The following FHIT variants were observed in gnomAD, a reference collection of about 807,000 sequenced individuals.
FHIT encodes fragile histidine triad diadenosine triphosphatase.
In FHIT, 19 loss-of-function variants were observed where a neutral mutation model predicts 17.9. The observed-to-expected ratio is 1.06, with a 90% CI of 0.74 to 1.56. The LOEUF is 1.56. Among genes scored for constraint, FHIT ranks in the 40% most tolerant of loss-of-function variants. FHIT has a pLI of 0.00. For missense variants in FHIT, 248 were observed against 189.2 expected, an observed-to-expected ratio of 1.31 and a Z score of -1.82; for synonymous variants, 81 against 69.7, an observed-to-expected ratio of 1.16 and a Z score of -0.81.
chr3:60,285,426 G>C (rs1027499423), intron 5 of FHIT, among the ~76,000 whole-genome samples: 4 of 152,168 alleles, frequency 2.6e-5, no homozygotes, highest in African/African-American at 9.6e-5. Context: ...GAATGAGTGA[G>C]ATAAATAAAA....
At chr3:61,244,360 C>T (rs2040438521) in intron 1 of FHIT, among the ~76,000 whole-genome samples, 1 of 152,112 alleles carries the variant, frequency 6.6e-6, no homozygotes, top group Admixed American at 6.5e-5. Flanking sequence ...GGCCAGGTAC[C>T]TCGAATTCCC....
intron 1 of FHIT, among the ~76,000 whole-genome samples, chr3:61,214,406 G>A (rs985495956): frequency 1.3e-5 from 2 of 152,222 alleles, no homozygotes; most frequent in Non-Finnish European, 2.9e-5. Context: ...AGAAAATCTA[G>A]AAGAAATGGA....
chr3:60,781,205 G>T (rs1206180813), intron 4 of FHIT, among the ~76,000 whole-genome samples: 1 of 151,840 alleles, frequency 6.6e-6, no homozygotes, highest in Admixed American at 6.5e-5. Flanking sequence ...AAATAGTAGT[G>T]TTGCTGACTT....
chr3:61,210,789 A>C (rs1237729079), intron 1 of FHIT, among the ~76,000 whole-genome samples: 2 of 151,562 alleles, frequency 1.3e-5, no homozygotes, highest in African/African-American at 4.8e-5. Flanking sequence ...TTCGGCTCAC[A>C]CACAGTGCGC....
chr3:60,076,753 GGAAA>G (rs1703026153), intron 5 of FHIT, among the ~76,000 whole-genome samples: 1 of 151,564 alleles, frequency 6.6e-6, no homozygotes, highest in Non-Finnish European at 1.5e-5. Context: ...AAGAGAAAAA[GGAAA>G]GAAAGAAAGA....
chr3:60,238,210 C>T (rs1200915014), intron 5 of FHIT, among the ~76,000 whole-genome samples: 1 of 151,566 alleles, frequency 6.6e-6, no homozygotes, highest in Non-Finnish European at 1.5e-5. Context: ...CACTCCCTCC[C>T]TTTCTTAATG....
chr3:60,633,869 G>A (rs1010849126), intron 4 of FHIT, among the ~76,000 whole-genome samples: 5 of 152,228 alleles, frequency 3.3e-5, no homozygotes, highest in South Asian at 4.1e-4. Context: ...AGCTGCCAGG[G>A]AAAGGTTTCA....
intron 1 of FHIT, among the ~76,000 whole-genome samples, chr3:61,248,477 G>A (rs765890707): frequency 3.9e-5 from 6 of 152,054 alleles, no homozygotes; most frequent in Non-Finnish European, 7.4e-5. Flanking sequence ...TAATTGAAAG[G>A]GCCAATATGT....
intron 4 of FHIT, among the ~76,000 whole-genome samples, chr3:60,562,633 T>A (rs1393712425): frequency 6.6e-6 from 1 of 152,154 alleles, no homozygotes; most frequent in African/African-American, 2.4e-5. Context: ...GTCTGGGGAA[T>A]ACCAGCATCA....
At chr3:60,571,320 G>T (rs1263601464) in intron 4 of FHIT, among the ~76,000 whole-genome samples, 1 of 105,422 alleles carries the variant, frequency 9.5e-6, no homozygotes, top group East Asian at 2.8e-4. Flanking sequence ...TGGGCAACAG[G>T]GCAAGACTCC....
At chr3:60,747,126 CA>C (rs112642337) in intron 4 of FHIT, among the ~76,000 whole-genome samples, 2,293 of 110,760 alleles carry the variant, frequency 0.021, 41 homozygotes, top group African/African-American at 0.06. Flanking sequence ...TTGGAATTCA[CA>C]AAAAAAAAAA....
chr3:61,214,347 T>C (rs1002930442), intron 1 of FHIT, among the ~76,000 whole-genome samples: 19 of 152,266 alleles, frequency 1.2e-4, no homozygotes, highest in African/African-American at 4.3e-4. Flanking sequence ...CCCATAGAAA[T>C]ACAAACTACC....
chr3:60,519,616 G>C (rs1034013299), intron 5 of FHIT, among the ~76,000 whole-genome samples: 2 of 152,062 alleles, frequency 1.3e-5, no homozygotes, highest in African/African-American at 4.8e-5. Flanking sequence ...CCATAAGGAA[G>C]AGAAAAGACA....
At chr3:59,849,337 C>T (rs1225936878) in intron 8 of FHIT, among the ~76,000 whole-genome samples, 2 of 151,922 alleles carry the variant, frequency 1.3e-5, no homozygotes, top group Admixed American at 6.6e-5. Flanking sequence ...CATGCTACTG[C>T]GCTCCAGCCT....
At chr3:60,912,554 G>C (rs1207348556) in intron 3 of FHIT, among the ~76,000 whole-genome samples, 2 of 152,330 alleles carry the variant, frequency 1.3e-5, no homozygotes, top group Non-Finnish European at 2.9e-5. Flanking sequence ...GCAGATATGA[G>C]AGAAGCTCTC....
chr3:60,800,563 G>A (rs971444179), intron 4 of FHIT, among the ~76,000 whole-genome samples: 4 of 152,160 alleles, frequency 2.6e-5, no homozygotes, highest in African/African-American at 9.7e-5. Flanking sequence ...ACGAGGGAGA[G>A]TAAAACAGGG....
intron 2 of FHIT, among the ~76,000 whole-genome samples, chr3:61,062,021 G>A (rs1038388220): frequency 1.3e-5 from 2 of 152,080 alleles, no homozygotes; most frequent in African/African-American, 2.4e-5. Context: ...GTTAATGGCT[G>A]CAGAGTAATT....
At chr3:60,748,851 C>T (rs2042410895) in intron 4 of FHIT, among the ~76,000 whole-genome samples, 2 of 152,136 alleles carry the variant, frequency 1.3e-5, no homozygotes, top group African/African-American at 4.8e-5. Flanking sequence ...TTACTTATAA[C>T]ACCTAATACA....
chr3:60,216,014 C>T (rs1002845970), intron 5 of FHIT, among the ~76,000 whole-genome samples: 2 of 152,044 alleles, frequency 1.3e-5, no homozygotes, highest in African/African-American at 4.8e-5. Flanking sequence ...TGAACACACC[C>T]CATATCAAGC....
Sources: allele counts gnomAD v4.1 joint callset (sites outside exome capture counted in the v4.1 genomes callset), GRCh38; gene constraint gnomAD v4.1.1; transcripts MANE v1.5; gene names NCBI Gene and HGNC (gene_info 2026-07-23, HGNC 2026-07-21).